The following TAFA1 variants were observed in gnomAD, a reference collection of about 807,000 sequenced individuals.
TAFA1 encodes TAFA chemokine like family member 1, also known as chemokine-like protein TAFA-1.
In TAFA1, 4 loss-of-function variants were observed where a neutral mutation model predicts 18.5. The observed-to-expected ratio is 0.22, with a 90% CI of 0.11 to 0.49. The LOEUF (loss-of-function observed/expected upper bound fraction) is 0.49. TAFA1 is among the 20% of genes least tolerant of loss of function. The pLI, the probability that TAFA1 is intolerant of heterozygous loss-of-function variation, is 0.98. For synonymous variants in TAFA1, 56 were observed against 55.2 expected (o/e 1.01, Z -0.06); for missense variants, 147 against 169.0 (o/e 0.87, Z 0.72).
At chr3:68,016,562 A>T (rs1704574549) in intron 2 of TAFA1, among the ~76,000 whole-genome samples, 1 of 152,156 alleles carries the variant, frequency 6.6e-6, no homozygotes. Flanking sequence ...GTAGCTTAGG[A>T]GCAATAATCT....
intron 2 of TAFA1, among the ~76,000 whole-genome samples, chr3:68,131,254 T>C (rs944624390): frequency 1.3e-5 from 2 of 152,144 alleles, no homozygotes; most frequent in Non-Finnish European, 2.9e-5. Context: ...ATCCCATATT[T>C]TCCCATGATC....
intron 2 of TAFA1, among the ~76,000 whole-genome samples, chr3:68,140,316 G>A (rs552716394): frequency 1.3e-5 from 2 of 152,322 alleles, no homozygotes; most frequent in East Asian, 3.9e-4. Flanking sequence ...GAAGGAAGGA[G>A]CTTGGGCATT....
intron 2 of TAFA1, among the ~76,000 whole-genome samples, chr3:68,144,582 A>G (rs73834852): frequency 0.028 from 4,265 of 152,350 alleles, 85 homozygotes; most frequent in East Asian, 0.1. Context: ...GTAATCATGT[A>G]GCAAATGTTT....
chr3:68,444,795 TATATATATATATATATAA>T (rs1160832525), intron 3 of TAFA1, among the ~76,000 whole-genome samples: 3 of 128,900 alleles, frequency 2.3e-5, no homozygotes, highest in African/African-American at 8.9e-5. Flanking sequence ...TATATATATA[TATATATATATATATATAA>T]AATAAATTAA....
chr3:68,449,042 A>G (rs1208465968), intron 3 of TAFA1, among the ~76,000 whole-genome samples: 2 of 152,208 alleles, frequency 1.3e-5, no homozygotes. Context: ...TCCACACTAG[A>G]TTTATTTCCA....
Position 68,405,699 on chromosome 3 carries a change from C to CAAAAAAAAAAAAAAAAAAAAAAA in TAFA1, c.119-11562_119-11540dup, listed in dbSNP as rs56258198. On this transcript the variant is annotated intron_variant, in intron 2 of 4. Transcript: ENST00000478136. ...TAGGCAATGGAGTGAGACTCTATCT[C>CAAAAAAAAAAAAAAAAAAAAAAA]AAAAAAAAAAAAAAAAAAAAAAAAA... Among the ~76,000 whole-genome samples the CAAAAAAAAAAAAAAAAAAAAAAA allele has an allele frequency of 9.1e-5, 3 of 32,848 alleles. 1 individual carries two copies. The highest frequency in any genetic ancestry group is 6.1e-4 in the East Asian group (1 of 1,636). The allele number at this position is 32,848 out of a possible 152,430, so 21.5% of individuals were successfully genotyped here.
chr3:68,099,770 G>A (rs1222698257), intron 2 of TAFA1, among the ~76,000 whole-genome samples: 10 of 152,004 alleles, frequency 6.6e-5, no homozygotes, highest in Admixed American at 6.6e-4. Flanking sequence ...GAATGGATTG[G>A]ACAAAGAAAA....
At chr3:68,086,049 C>T (rs1243765397) in intron 2 of TAFA1, among the ~76,000 whole-genome samples, 1 of 152,160 alleles carries the variant, frequency 6.6e-6, no homozygotes, top group Non-Finnish European at 1.5e-5. Flanking sequence ...GGAATTGTCT[C>T]TGTTTACATG....
chr3:68,468,568 G>A (rs1216544141), intron 3 of TAFA1, among the ~76,000 whole-genome samples: 1 of 152,172 alleles, frequency 6.6e-6, no homozygotes, highest in African/African-American at 2.4e-5. Flanking sequence ...AGACAGAGAT[G>A]AAACCCAAAT....
At chr3:68,200,027 T>C (rs945511294) in intron 2 of TAFA1, among the ~76,000 whole-genome samples, 1 of 151,584 alleles carries the variant, frequency 6.6e-6, no homozygotes. Context: ...AATTTCTAGT[T>C]TACTAAGTGT....
intron 2 of TAFA1, among the ~76,000 whole-genome samples, chr3:68,265,478 G>T (rs1575727636): frequency 6.6e-6 from 1 of 152,172 alleles, no homozygotes; most frequent in East Asian, 1.9e-4. Context: ...TTTTGTCAAG[G>T]TTTATCCACA....
chr3:68,342,666 C>T (rs1039930277), intron 2 of TAFA1, among the ~76,000 whole-genome samples: 3 of 152,146 alleles, frequency 2.0e-5, no homozygotes, highest in African/African-American at 7.2e-5. Context: ...GTGCCTCTCT[C>T]GTCATTTCTC....
chr3:68,089,447 C>G (rs143699190), intron 2 of TAFA1, among the ~76,000 whole-genome samples: 240 of 152,256 alleles, frequency 1.6e-3, no homozygotes, highest in Non-Finnish European at 2.5e-3. Context: ...AACATGAACA[C>G]TCTTTAAATC....
intron 2 of TAFA1, among the ~76,000 whole-genome samples, chr3:68,342,982 T>C (rs1197794110): frequency 6.6e-6 from 1 of 152,222 alleles, no homozygotes; most frequent in Non-Finnish European, 1.5e-5. Flanking sequence ...AAAGATCAAA[T>C]TTCCTATAGG....
chr3:68,085,078 T>C (rs1184861416), intron 2 of TAFA1, among the ~76,000 whole-genome samples: 4 of 152,204 alleles, frequency 2.6e-5, no homozygotes, highest in Admixed American at 1.3e-4. Flanking sequence ...GGTTACAATA[T>C]AGAAATGATA....
chr3:68,158,613 C>G (rs1371507531), intron 2 of TAFA1, among the ~76,000 whole-genome samples: 1 of 152,066 alleles, frequency 6.6e-6, no homozygotes, highest in Non-Finnish European at 1.5e-5. Context: ...AAGGTACAGT[C>G]ATTGGCTAGA....
intron 2 of TAFA1, among the ~76,000 whole-genome samples, chr3:68,157,041 C>T (rs2065875137): frequency 6.6e-6 from 1 of 152,090 alleles, no homozygotes; most frequent in South Asian, 2.1e-4. Flanking sequence ...TATTTTAATG[C>T]CAGATTATCC....
chr3:68,000,578 T>C (rs1007401096), upstream of TAFA1, among the ~76,000 whole-genome samples: 10 of 152,146 alleles, frequency 6.6e-5, no homozygotes, highest in African/African-American at 2.4e-4. Flanking sequence ...GACATAAGAT[T>C]TGGACTTTAT....
chr3:68,330,688 T>A (rs1173730434), intron 2 of TAFA1, among the ~76,000 whole-genome samples: 1 of 152,210 alleles, frequency 6.6e-6, no homozygotes, highest in African/African-American at 2.4e-5. Flanking sequence ...GTGGTAGAAC[T>A]GGGATTGGAA....
Sources: gnomAD v4.1 joint callset for allele counts (sites outside exome capture counted in the v4.1 genomes callset) on GRCh38, gnomAD v4.1.1 for gene constraint, MANE v1.5 for transcripts, NCBI Gene and HGNC (gene_info 2026-07-23, HGNC 2026-07-21) for gene names.